Variants in CTNNA2 observed in about 807,000 individuals in gnomAD.
The protein encoded by CTNNA2 is catenin alpha-2.
CTNNA2 carries 42 observed loss-of-function variants against 101.0 expected under a neutral mutation model. The ratio of observed to expected loss-of-function variants is 0.42; its 90% confidence interval spans 0.32 to 0.54. The LOEUF is 0.54. Among genes scored for constraint, CTNNA2 ranks in the 20% least tolerant of loss-of-function variants. The probability of loss-of-function intolerance (pLI) is 0.14; values close to 1 mark genes in which losing one functional copy is unlikely to be tolerated. For missense variants in CTNNA2, 871 were observed against 1,223.1 expected (o/e 0.71, Z 4.29); for synonymous variants, 450 against 456.4 (o/e 0.99, Z 0.18).
chr2:80,479,924 TC>T (rs1686021646), intron 9 of CTNNA2, among the ~76,000 whole-genome samples: 1 of 152,178 alleles, frequency 6.6e-6, no homozygotes, highest in South Asian at 2.1e-4. Context: ...AAAGCTTGGT[TC>T]CATATACAAC....
At position 80,303,109 on chromosome 2, in the gene CTNNA2, C is replaced by A. The variant is rs752633874; in HGVS notation, c.1057-90102C>A. ...CCACCTTGTTCCTCCGCAGGCAGAGCGAGTGCAGGGAGATGAGGCGCGGGA... is the reference window on the plus strand; with the variant it reads ...CCACCTTGTTCCTCCGCAGGCAGAGAGAGTGCAGGGAGATGAGGCGCGGGA... On this transcript the variant is annotated intron_variant, in intron 7 of 18. Transcript: ENST00000402739. This position sits in a 1 kb window ranked among gnomAD's most constrained non-coding sequence, Gnocchi z 7.7. The A allele has an allele frequency of 3.7e-6, 6 of 1,613,924 alleles. No homozygotes were observed. Among genetic ancestry groups the A allele is most frequent in the South Asian group, 1.1e-5 (1 of 91,084 alleles).
At chr2:80,164,938 G>GT (rs1558866800) in intron 7 of CTNNA2, among the ~76,000 whole-genome samples, 21 of 107,102 alleles carry the variant, frequency 2.0e-4, no homozygotes, top group Non-Finnish European at 3.0e-4. Context: ...CCCAACTTTT[G>GT]GTTTTTTTTT....
chr2:79,844,034 GAAAAAT>G (rs1246781966), intron 3 of CTNNA2, among the ~76,000 whole-genome samples: 1 of 152,166 alleles, frequency 6.6e-6, no homozygotes, highest in Non-Finnish European at 1.5e-5. Context: ...AATTTGTAGT[GAAAAAT>G]ATATTTGCCT....
rs959499545 is a variant in CTNNA2, at chr2:79,745,159, G to A, written c.298+577G>A. Among the ~76,000 whole-genome samples, 10 of 152,182 alleles carry A rather than the reference G, an allele frequency of 6.6e-5. 1 individual carries two copies. The highest frequency in any genetic ancestry group is 1.2e-4 in the Non-Finnish European group (8 of 68,010). On this transcript the variant is annotated intron_variant, in intron 3 of 18. Transcript: ENST00000402739. ...TAAAGTTCTAACTACGGCCGGGTGCGGTGGCTCACACCTGTATTCCTAGCA... is the reference window on the plus strand; with the variant it reads ...TAAAGTTCTAACTACGGCCGGGTGCAGTGGCTCACACCTGTATTCCTAGCA...
chr2:80,216,249 C>T (rs775614141), intron 7 of CTNNA2, among the ~76,000 whole-genome samples: 4 of 152,100 alleles, frequency 2.6e-5, no homozygotes, highest in South Asian at 2.1e-4. Context: ...GCTCACACTG[C>T]GTGGGCTACA....
intron 4 of CTNNA2, among the ~76,000 whole-genome samples, chr2:79,448,310 C>A (rs767829090): frequency 6.6e-6 from 1 of 151,886 alleles, no homozygotes; most frequent in African/African-American, 2.4e-5. Flanking sequence ...TCTTTATGAA[C>A]TGTTTCTTCA....
At chr2:79,304,917 G>A (rs185653675) in intron 2 of CTNNA2, among the ~76,000 whole-genome samples, 57 of 152,196 alleles carry the variant, frequency 3.7e-4, no homozygotes, top group Admixed American at 4.6e-4. Context: ...GATCTTATCC[G>A]CCATCCTTAT....
intron 1 of CTNNA2, among the ~76,000 whole-genome samples, chr2:79,554,103 G>C (rs1008864568): frequency 6.6e-6 from 1 of 152,238 alleles, no homozygotes; most frequent in Admixed American, 6.5e-5. Flanking sequence ...AATGACCTGT[G>C]AATGTAAAGC....
intron 7 of CTNNA2, among the ~76,000 whole-genome samples, chr2:79,989,408 A>G (rs1692006650): frequency 6.6e-6 from 1 of 152,134 alleles, no homozygotes; most frequent in Non-Finnish European, 1.5e-5. Context: ...GGATCACTTG[A>G]GCCTAGAAGT....
chr2:79,908,148 G>A (rs1227128392), intron 6 of CTNNA2, among the ~76,000 whole-genome samples: 1 of 152,090 alleles, frequency 6.6e-6, no homozygotes, highest in South Asian at 2.1e-4. Flanking sequence ...ATCCATAAAA[G>A]CATCTTTTAT....
intron 14 of CTNNA2, 43 bp downstream of exon 14, chr2:80,581,862 T>C: frequency 8.6e-7 from 1 of 1,156,712 alleles, no homozygotes; most frequent in Non-Finnish European, 1.3e-6. Flanking sequence ...ACAGGGACCG[T>C]GTTTACTAAA....
chr2:79,792,468 G>A (rs373263076), intron 3 of CTNNA2, among the ~76,000 whole-genome samples: 24 of 152,288 alleles, frequency 1.6e-4, no homozygotes, highest in African/African-American at 5.5e-4. Flanking sequence ...TTTTTAGCTT[G>A]CAGTGTAATG....
At chr2:80,245,201 A>G (rs1199705616) in intron 7 of CTNNA2, among the ~76,000 whole-genome samples, 1 of 152,218 alleles carries the variant, frequency 6.6e-6, no homozygotes, top group African/African-American at 2.4e-5. Flanking sequence ...CACAGGCTGC[A>G]GTGTTCAGAA....
chr2:79,863,766 T>G (rs544683976), intron 4 of CTNNA2, among the ~76,000 whole-genome samples: 1 of 152,118 alleles, frequency 6.6e-6, no homozygotes, highest in South Asian at 2.1e-4. Flanking sequence ...GAGATCCAGA[T>G]GTTGTTGGAG....
chr2:80,462,958 T>C (rs1684564455), intron 9 of CTNNA2, among the ~76,000 whole-genome samples: 1 of 152,176 alleles, frequency 6.6e-6, no homozygotes, highest in African/African-American at 2.4e-5. Flanking sequence ...ATCATTAGTC[T>C]ATTTTTCCTC....
At chr2:79,802,432 C>A (rs531491768) in intron 3 of CTNNA2, among the ~76,000 whole-genome samples, 5 of 152,182 alleles carry the variant, frequency 3.3e-5, no homozygotes, top group Admixed American at 3.3e-4. Context: ...TTGAGGACAT[C>A]ATGCCAAGTT....
At chr2:79,948,799 T>C (rs929615188) in intron 7 of CTNNA2, among the ~76,000 whole-genome samples, 4 of 152,002 alleles carry the variant, frequency 2.6e-5, no homozygotes, top group Non-Finnish European at 4.4e-5. Context: ...AAACCCCGTC[T>C]CTATTAAAAA....
At chr2:79,541,605 G>A (rs6716273) in intron 1 of CTNNA2, among the ~76,000 whole-genome samples, 70,408 of 151,032 alleles carry the variant, frequency 0.47, 16,744 homozygotes, top group Non-Finnish European at 0.51. Flanking sequence ...GAACATTTAC[G>A]ATTTGCATTT....
At chr2:79,940,668 G>A (rs1221849117) in intron 7 of CTNNA2, among the ~76,000 whole-genome samples, 1 of 152,118 alleles carries the variant, frequency 6.6e-6, no homozygotes. Context: ...CATTTCTGTT[G>A]GTGTGCTCAA....
Sources: allele counts gnomAD v4.1 joint callset (sites outside exome capture counted in the v4.1 genomes callset), GRCh38; gene constraint gnomAD v4.1.1; non-coding constraint Gnocchi (gnomAD v3.1); transcripts MANE v1.5; gene names NCBI Gene and HGNC (gene_info 2026-07-23, HGNC 2026-07-21).